Variants in DACH2 observed in about 807,000 individuals in gnomAD.
DACH2 encodes dachshund homolog 2.
DACH2 carries 17 observed loss-of-function variants against 35.8 expected under a neutral mutation model. The observed-to-expected ratio is 0.48, with a 90% CI of 0.33 to 0.71. DACH2 has a LOEUF of 0.71. Among genes scored for constraint, DACH2 ranks in the 30% least tolerant of loss-of-function variants. The pLI, the probability that DACH2 is intolerant of heterozygous loss-of-function variation, is 0.02. For synonymous variants in DACH2, 195 were observed against 177.3 expected, an observed-to-expected ratio of 1.10 and a Z score of -0.79; for missense variants, 469 against 472.7, an observed-to-expected ratio of 0.99 and a Z score of 0.07.
intron 7 of DACH2, among the ~76,000 whole-genome samples, chrX:86,788,732 T>A (rs1032173799): frequency 2.7e-5 from 3 of 111,812 alleles, no homozygotes; most frequent in Non-Finnish European, 5.6e-5. Flanking sequence ...TCAGAAACTA[T>A]CAGCCAGGAA....
chrX:86,592,834 A>G (rs1199337578), intron 3 of DACH2, among the ~76,000 whole-genome samples: 3 of 112,006 alleles, frequency 2.7e-5, no homozygotes, highest in Non-Finnish European at 1.9e-5. Context: ...CATTGCTGGT[A>G]TAGAGGAAAG....
chrX:86,682,412 A>G (rs1404796390), intron 4 of DACH2, among the ~76,000 whole-genome samples: 1 of 111,724 alleles, frequency 9.0e-6, no homozygotes, highest in Non-Finnish European at 1.9e-5. Context: ...AGTTTTCTCT[A>G]TAAAATGTGG....
intron 1 of DACH2, among the ~76,000 whole-genome samples, chrX:86,325,113 G>T (rs752355207): frequency 2.7e-5 from 3 of 111,326 alleles, no homozygotes; most frequent in African/African-American, 3.3e-5. Context: ...ATTGTGACTT[G>T]GTTTATTGTG....
At chrX:86,287,428 C>A (rs1311571140) in intron 1 of DACH2, among the ~76,000 whole-genome samples, 1 of 111,468 alleles carries the variant, frequency 9.0e-6, no homozygotes, top group Non-Finnish European at 1.9e-5. Flanking sequence ...TGATATCTTT[C>A]TCCAGGTTTT....
chrX:86,574,280 G>T (rs1415654292), intron 3 of DACH2, among the ~76,000 whole-genome samples: 1 of 110,933 alleles, frequency 9.0e-6, no homozygotes, highest in Non-Finnish European at 1.9e-5. Context: ...GTTCAAAGCA[G>T]GTCTTCTTTA....
intron 2 of DACH2, among the ~76,000 whole-genome samples, chrX:86,504,194 A>G (rs1289957898): frequency 1.8e-5 from 2 of 110,990 alleles, no homozygotes; most frequent in Non-Finnish European, 3.8e-5. Context: ...GGTACCAAAT[A>G]GCAGATGAAA....
intron 10 of DACH2, among the ~76,000 whole-genome samples, chrX:86,815,104 A>G (rs935463822): frequency 9.8e-5 from 11 of 111,784 alleles, no homozygotes; most frequent in African/African-American, 3.2e-4. Context: ...CAGTAGAAGC[A>G]ATAACACTGA....
chrX:86,406,277 C>G (rs1017399742), intron 2 of DACH2, among the ~76,000 whole-genome samples: 3 of 111,890 alleles, frequency 2.7e-5, no homozygotes, highest in African/African-American at 9.8e-5. Context: ...CCTACACAAA[C>G]TAAGAGAGGA....
At chrX:86,611,109 A>G (rs925434468) in intron 3 of DACH2, among the ~76,000 whole-genome samples, 2 of 110,202 alleles carry the variant, frequency 1.8e-5, no homozygotes, top group African/African-American at 6.6e-5. Flanking sequence ...TCAGGGCCCA[A>G]GGTCTCTTTA....
chrX:86,708,233 G>A (rs1357084043), intron 5 of DACH2, among the ~76,000 whole-genome samples: 5 of 110,270 alleles, frequency 4.5e-5, no homozygotes. Flanking sequence ...CGAAAACAAG[G>A]GAAGGACGTT....
chrX:86,613,074 A>T (rs2039964359), intron 3 of DACH2, among the ~76,000 whole-genome samples: 1 of 112,402 alleles, frequency 8.9e-6, no homozygotes, highest in Non-Finnish European at 1.9e-5. Context: ...ATGCATGTTA[A>T]CATGAATAAA....
At chrX:86,728,879 C>A (rs981292937) in intron 6 of DACH2, among the ~76,000 whole-genome samples, 1 of 113,136 alleles carries the variant, frequency 8.8e-6, no homozygotes, top group Non-Finnish European at 1.9e-5. Context: ...GGTGTCCAGG[C>A]AGAAGCCTGC....
chrX:86,609,776 A>T (rs1212528896), intron 3 of DACH2, among the ~76,000 whole-genome samples: 3 of 110,229 alleles, frequency 2.7e-5, no homozygotes, highest in Non-Finnish European at 5.7e-5. Flanking sequence ...CCATACTGAG[A>T]CTCTTGTTCT....
At chrX:86,536,255 T>C (rs1461397075) in intron 3 of DACH2, among the ~76,000 whole-genome samples, 2 of 111,782 alleles carry the variant, frequency 1.8e-5, no homozygotes, top group Non-Finnish European at 1.9e-5. Flanking sequence ...ATGGAGGAAA[T>C]GAGTGAGTTT....
intron 7 of DACH2, among the ~76,000 whole-genome samples, chrX:86,786,330 T>TAAAG (rs960620241): frequency 8.9e-6 from 1 of 111,950 alleles, no homozygotes; most frequent in African/African-American, 3.2e-5. Context: ...ACTTATGACC[T>TAAAG]AAAGAGCAAC....
intron 11 of DACH2, among the ~76,000 whole-genome samples, chrX:86,820,232 G>A (rs2042497137): frequency 8.9e-6 from 1 of 111,770 alleles, no homozygotes; most frequent in Non-Finnish European, 1.9e-5. Context: ...CCCATGGAAT[G>A]TCAATTTCTG....
intron 2 of DACH2, among the ~76,000 whole-genome samples, chrX:86,483,152 C>A (rs1415601291): frequency 5.0e-5 from 5 of 99,528 alleles, no homozygotes; most frequent in Admixed American, 1.1e-4. Flanking sequence ...AAAAAAAAAA[C>A]AAGCATAAAA....
intron 1 of DACH2, among the ~76,000 whole-genome samples, chrX:86,375,755 C>T (rs988225771): frequency 4.6e-5 from 5 of 108,902 alleles, no homozygotes; most frequent in Admixed American, 1.0e-4. Context: ...TTTTTTAGAA[C>T]GCTCTCTACA....
chrX:86,408,230 G>A lies in DACH2; in HGVS notation c.527+31368G>A, dbSNP rs762414305. Among the ~76,000 whole-genome samples, 440 of 111,730 alleles carry A rather than the reference G, an allele frequency of 3.9e-3. 2 individuals carry two copies. Among genetic ancestry groups the A allele is most frequent in the African/African-American group, 0.014 (428 of 30,803 alleles). On this transcript the variant is annotated intron_variant, in intron 2 of 11. Transcript: ENST00000373125. ...TAACCAGATTTGCTAATGTGTGACA[G>A]GAAATATTTAATAAACATATATTAT...
Sources: gnomAD v4.1 joint callset for allele counts (sites outside exome capture counted in the v4.1 genomes callset) on GRCh38, gnomAD v4.1.1 for gene constraint, MANE v1.5 for transcripts, NCBI Gene and HGNC (gene_info 2026-07-23, HGNC 2026-07-21) for gene names.